GNLY: variants seen among roughly 807,000 people sequenced by gnomAD.
GNLY encodes the protein granulysin.
In GNLY, 15 loss-of-function variants were observed where a neutral mutation model predicts 18.5. The observed-to-expected ratio is 0.81, with a 90% confidence interval of 0.54 to 1.25. GNLY has a LOEUF of 1.25. Among genes scored for constraint, GNLY ranks in the 50% most tolerant of loss-of-function variants. The pLI is 0.00. For synonymous variants in GNLY, 77 were observed against 74.9 expected (o/e 1.03, Z -0.14); for missense variants, 178 against 186.9 (o/e 0.95, Z 0.28).
At chr2:85,695,522 G>C (rs1678409785) in intron 2 of GNLY, 99 bp downstream of exon 2, 1 of 728,658 alleles carries the variant, frequency 1.4e-6, no homozygotes, top group African/African-American at 1.7e-5. Flanking sequence ...ATGGTCAGGA[G>C]GTGGGAGTGG....
rs1330367049 is a variant in GNLY at position 85,698,556 on chromosome 2, C to G, written c.428-8C>G. ...TCTGCCCACAGCTGGCTGTTCTCTC[C>G]TCTCCAGGTCCCCTCTGAGCCCTCT... On this transcript the variant is annotated splice_polypyrimidine_tract_variant and splice_region_variant and intron_variant, in intron 4 of 4. Transcript: ENST00000263863. 4.3e-6 allele frequency: 7 copies of G among 1,612,816 alleles called. No homozygotes were observed. The highest frequency in any genetic ancestry group is 5.9e-6 in the Non-Finnish European group (7 of 1,179,060).
chr2:85,694,843 G>C, intron 1 of GNLY: 1 of 1,522,456 alleles, frequency 6.6e-7, no homozygotes, highest in Non-Finnish European at 8.8e-7. Flanking sequence ...GATTGTGCGG[G>C]GCTGGTGAGA....
chr2:85,698,400 C>T (rs762826908), intron 4 of GNLY, 164 bp from the exon 5 acceptor site: 1 of 1,129,788 alleles, frequency 8.9e-7, no homozygotes, highest in Non-Finnish European at 1.3e-6. Context: ...TATTCAAGGC[C>T]CCACAACCTG....
chr2:85,694,914 A>G (rs1678379740), intron 1 of GNLY: 5 of 1,564,406 alleles, frequency 3.2e-6, no homozygotes, highest in Non-Finnish European at 4.3e-6. Flanking sequence ...GCTCTCTCCC[A>G]GGCCTTGAGG....
Position 85,694,396 on chromosome 2 carries a change from G to A in GNLY, c.-23G>A. ...CCTGCCCATAAAACAGGGTGTGAAA[G>A]GCATCTCAGCGGCTGCCCCACCATG... On this transcript the variant is annotated 5_prime_UTR_variant, in exon 1 of 5. Coordinates refer to ENST00000263863, the MANE Select transcript of GNLY (RefSeq NM_006433.5). 2.5e-6 allele frequency: 4 copies of A among 1,612,916 alleles called. No homozygotes were observed. Among genetic ancestry groups the A allele is most frequent in the Non-Finnish European group, 3.4e-6 (4 of 1,178,924 alleles).
chr2:85,695,042 G>C (rs773807320), intron 1 of GNLY: 1 of 1,539,504 alleles, frequency 6.5e-7, no homozygotes, highest in Non-Finnish European at 8.9e-7. Context: ...GAAGTTTCTA[G>C]ACAAACCGAC....
At chr2:85,695,007 A>T in intron 1 of GNLY, 1 of 1,570,888 alleles carries the variant, frequency 6.4e-7, no homozygotes, top group Non-Finnish European at 8.7e-7. Context: ...GTAAAAAAAG[A>T]AAATCCCTTG....
chr2:85,698,466 G>A (rs1678546257), intron 4 of GNLY, 98 bp from the exon 5 acceptor site: 2 of 1,604,686 alleles, frequency 1.2e-6, no homozygotes, highest in Admixed American at 1.7e-5. Flanking sequence ...AGTAGGGTCA[G>A]GTGGCTCTGG....
intron 4 of GNLY, among the ~76,000 whole-genome samples, chr2:85,698,026 C>A (rs1023215241): frequency 6.6e-6 from 1 of 152,222 alleles, no homozygotes; most frequent in Non-Finnish European, 1.5e-5. Context: ...GTGTGTGGAC[C>A]TGACCCTGGG....
At position 85,697,497 on chromosome 2, in the gene GNLY, C is replaced by A. The variant is rs968965151; in HGVS notation, c.256-9C>A. ...TATAACCATGTCCACTGTGGTGCTG[C>A]TGCTGCAGAGAAGTGTTTCCAATGC... is the stretch of plus-strand genomic sequence containing the variant. On this transcript the variant is annotated splice_polypyrimidine_tract_variant and intron_variant, in intron 3 of 4. Transcript: ENST00000263863. 4 of 1,611,244 alleles carry A rather than the reference C, an allele frequency of 2.5e-6. No individual in the cohort carries two copies. The African/African-American group carries it at 4.0e-5, about 16-fold the overall frequency.
intron 4 of GNLY, among the ~76,000 whole-genome samples, chr2:85,697,905 T>G (rs1039637334): frequency 6.6e-6 from 1 of 152,228 alleles, no homozygotes; most frequent in African/African-American, 2.4e-5. Context: ...CCTGGCTGTG[T>G]GACCTTAAGC....
rs752291485 is a variant in GNLY at position 85,695,391 on chromosome 2, TC to T, written c.126del (p.Cys43AlafsTer14). On this transcript the variant is annotated frameshift_variant, in exon 2 of 5. Transcript: ENST00000263863. LOFTEE classifies it high-confidence loss of function. Reference protein sequence around the residue: ...ARAHLRDEEKSCPCLAQEGPQ... With the variant: ...ARAHLRDEEKXCPCLAQEGPQ... Reference sequence around the variant, plus strand: ...AGCCCACCTGCGTGATGAGGAGAAATCCTGCCCGTGCCTGGCCCAGGAGGGC... The same window carrying T: ...AGCCCACCTGCGTGATGAGGAGAAATCTGCCCGTGCCTGGCCCAGGAGGGC... 3.7e-3 allele frequency: 5,983 copies of T among 1,613,368 alleles called. 19 individuals are homozygous for T. The highest frequency in any genetic ancestry group is 4.7e-3 in the Non-Finnish European group (5,559 of 1,179,280).
intron 4 of GNLY, 107 bp from the exon 5 acceptor site, chr2:85,698,457 G>T: frequency 6.3e-7 from 1 of 1,599,778 alleles, no homozygotes; most frequent in Non-Finnish European, 8.5e-7. Context: ...GGTGTGTTCA[G>T]TAGGGTCAGG....
At chr2:85,694,781 GC>G in intron 1 of GNLY, 1 of 1,443,988 alleles carries the variant, frequency 6.9e-7, no homozygotes, top group Non-Finnish European at 9.1e-7. Context: ...CGTGGTGAAG[GC>G]CATTGGCCCT....
chr2:85,695,483 G>A, intron 2 of GNLY, 60 bp downstream of exon 2: 2 of 1,018,270 alleles, frequency 2.0e-6, no homozygotes, highest in Non-Finnish European at 3.1e-6. Context: ...CTCCCTGGTG[G>A]CTCCTGGGGT....
intron 3 of GNLY, chr2:85,696,993 T>C (rs1470505647): frequency 6.2e-6 from 1 of 161,488 alleles, no homozygotes; most frequent in African/African-American, 2.4e-5. Flanking sequence ...CTCAGCATCC[T>C]GGCACTGCAG....
At chr2:85,695,182 GA>G in intron 1 of GNLY, 137 bp from the exon 2 acceptor site, 1 of 811,542 alleles carries the variant, frequency 1.2e-6, no homozygotes. Context: ...AAAGCATGTG[GA>G]CAGGTATCCT....
chr2:85,696,185 G>C lies in GNLY; in HGVS notation c.255+129G>C, dbSNP rs534320800. 427 of 613,908 alleles carry C rather than the reference G, an allele frequency of 7.0e-4. 2 individuals are homozygous for C. Among genetic ancestry groups the C allele is most frequent in the South Asian group, 1.6e-3 (82 of 51,194 alleles). 38.0% of individuals were successfully genotyped at this position (613,908 alleles called of 1,614,324 possible). A position where few individuals can be genotyped will look rare whatever the true frequency, so the allele number is the denominator to read the frequency against. ...TCCTGGGGGAGGGCTTCCTAGAAGGGAATCTGTGAGTCCCCGTGTGTCTGT... is the reference window on the plus strand; with the variant it reads ...TCCTGGGGGAGGGCTTCCTAGAAGGCAATCTGTGAGTCCCCGTGTGTCTGT... On this transcript the variant is annotated intron_variant, in intron 3 of 4. Coordinates refer to ENST00000263863, the MANE Select transcript of GNLY (RefSeq NM_006433.5).
intron 1 of GNLY, 149 bp from the exon 2 acceptor site, chr2:85,695,171 C>A: frequency 2.4e-6 from 2 of 826,814 alleles, no homozygotes; most frequent in African/African-American, 1.7e-5. Context: ...GGCTCCAGGG[C>A]AAAGCATGTG....
Sources: gnomAD v4.1 joint callset for allele counts (sites outside exome capture counted in the v4.1 genomes callset) on GRCh38, gnomAD v4.1.1 for gene constraint, MANE v1.5 for transcripts, NCBI Gene and HGNC (gene_info 2026-07-23, HGNC 2026-07-21) for gene names.